KCNA6: variants seen among roughly 807,000 people sequenced by gnomAD.
The protein encoded by KCNA6 is human brain potassium channel-2.
In KCNA6, 17 loss-of-function variants were observed where a neutral mutation model predicts 29.5. The ratio of observed to expected loss-of-function variants is 0.58; its 90% CI spans 0.39 to 0.86. KCNA6 has a LOEUF of 0.86. KCNA6 is among the 40% of genes least tolerant of loss of function. The pLI is 0.00. For synonymous variants in KCNA6, 296 were observed against 304.7 expected (o/e 0.97, Z 0.30); for missense variants, 450 against 703.4 (o/e 0.64, Z 4.07).
chr12:4,810,216 C>G lies in KCNA6; in HGVS notation c.175C>G (p.Leu59Val). The G allele has an allele frequency of 6.2e-7, 1 of 1,613,852 alleles. No individual in the cohort carries two copies. The stretch of plus-strand genomic sequence containing the variant: ...GCGCTTTGAGACACAATTGCGCACC[C>G]TGTCGCTGTTTCCGGACACGCTGCT... Residue 59 changes from leucine to valine, a missense_variant, in exon 1 of 1, where the codon CTG becomes GTG. This residue lies in a region of KCNA6 where 133 missense variants were observed against 217.5 expected (regional missense o/e 0.61). Transcript: ENST00000280684. The surrounding 1 kb of genome is among the most constrained non-coding windows in gnomAD (Gnocchi z 7.5).
chr12:4,826,941 G>A, the KCNA6 span, among the ~76,000 whole-genome samples: 66,517 of 151,942 alleles, frequency 0.44, 15,021 homozygotes, highest in African/African-American at 0.55. Flanking sequence ...AGAGACAATA[G>A]TTTTTATCTA....
chr12:4,842,494 A>C, the KCNA6 span: 1 of 153,072 alleles, frequency 6.5e-6, no homozygotes, highest in Non-Finnish European at 1.5e-5. Context: ...TATGAAGAAA[A>C]GAGGTTTAAT....
chr12:4,821,705 G>T, the KCNA6 span, among the ~76,000 whole-genome samples: 5 of 152,174 alleles, frequency 3.3e-5, no homozygotes, highest in African/African-American at 1.2e-4. Context: ...TGGGCTTGTT[G>T]ATCCTGCATG....
the KCNA6 span, among the ~76,000 whole-genome samples, chr12:4,826,432 A>C: frequency 6.6e-6 from 1 of 152,168 alleles, no homozygotes; most frequent in Non-Finnish European, 1.5e-5. Context: ...TTGCCTTTGT[A>C]CCGATTCCTT....
the KCNA6 span, among the ~76,000 whole-genome samples, chr12:4,837,862 CACTT>C: frequency 1.3e-5 from 2 of 151,750 alleles, no homozygotes; most frequent in African/African-American, 4.8e-5. Flanking sequence ...AGGCTACAGT[CACTT>C]ACTGAGCATC....
At chr12:4,818,323 G>A (rs906930084), downstream of KCNA6, among the ~76,000 whole-genome samples, 1 of 152,178 alleles carries the variant, frequency 6.6e-6, no homozygotes, top group African/African-American at 2.4e-5. Context: ...TTTAACAAAG[G>A]GTTTAAGAGC....
At chr12:4,813,777 G>A (rs2137578268), downstream of KCNA6, 1 of 167,284 alleles carries the variant, frequency 6.0e-6, no homozygotes, top group Non-Finnish European at 1.5e-5. Context: ...CCATTCCAGA[G>A]GCAGAAGGGA....
the KCNA6 span, among the ~76,000 whole-genome samples, chr12:4,849,947 GAC>G: frequency 6.6e-6 from 1 of 152,222 alleles, no homozygotes. Flanking sequence ...TAGTCACAGA[GAC>G]ACACGCATTG....
the KCNA6 span, among the ~76,000 whole-genome samples, chr12:4,830,270 C>T: frequency 2.0e-5 from 3 of 152,154 alleles, no homozygotes; most frequent in African/African-American, 4.8e-5. Flanking sequence ...AGACGTGCTG[C>T]CCCCCAGCTC....
At chr12:4,818,861 CACAT>C in the KCNA6 span, among the ~76,000 whole-genome samples, 33,357 of 151,024 alleles carry the variant, frequency 0.22, 3,866 homozygotes, top group Middle Eastern at 0.35. Flanking sequence ...CACACACACA[CACAT>C]ATGCATATAC....
chr12:4,817,106 C>A (rs1457896228), downstream of KCNA6, among the ~76,000 whole-genome samples: 3 of 152,220 alleles, frequency 2.0e-5, no homozygotes, highest in Non-Finnish European at 4.4e-5. Context: ...TGGGTTTTGA[C>A]TGTGTGTTAT....
the KCNA6 span, among the ~76,000 whole-genome samples, chr12:4,843,647 A>G: frequency 5.3e-5 from 8 of 152,212 alleles, no homozygotes; most frequent in African/African-American, 1.4e-4. Context: ...TACAGGAAGC[A>G]TGGAGGCATC....
At chr12:4,840,994 G>C in the KCNA6 span, among the ~76,000 whole-genome samples, 1 of 152,228 alleles carries the variant, frequency 6.6e-6, no homozygotes, top group Admixed American at 6.5e-5. Context: ...GAACTTTAAA[G>C]AATATTTGGT....
the KCNA6 span, among the ~76,000 whole-genome samples, chr12:4,832,692 C>A: frequency 3.9e-5 from 6 of 152,304 alleles, no homozygotes; most frequent in South Asian, 4.1e-4. Context: ...TATGGAATAT[C>A]CATCTTTCTA....
the KCNA6 span, among the ~76,000 whole-genome samples, chr12:4,828,075 G>A: frequency 1.3e-5 from 2 of 152,218 alleles, no homozygotes; most frequent in Non-Finnish European, 2.9e-5. Flanking sequence ...GTTGGAACTC[G>A]GTTGTATTTC....
At chr12:4,847,298 G>A in the KCNA6 span, among the ~76,000 whole-genome samples, 2 of 151,964 alleles carry the variant, frequency 1.3e-5, no homozygotes, top group Non-Finnish European at 2.9e-5. Context: ...AGTGTTCATT[G>A]GGCACTCTGG....
chr12:4,820,850 G>A, the KCNA6 span, among the ~76,000 whole-genome samples: 3 of 152,126 alleles, frequency 2.0e-5, no homozygotes, highest in Non-Finnish European at 2.9e-5. Context: ...CAGGCTCTGG[G>A]CTTCTAATCT....
the KCNA6 span, among the ~76,000 whole-genome samples, chr12:4,844,261 A>C: frequency 6.8e-4 from 103 of 152,288 alleles, no homozygotes; most frequent in Non-Finnish European, 1.2e-3. This position sits in a 1 kb window ranked among gnomAD's most constrained non-coding sequence, Gnocchi z 4.0. Context: ...AGAATAAGCA[A>C]ATGTTTAAAT....
At chr12:4,834,361 C>T in the KCNA6 span, among the ~76,000 whole-genome samples, 1 of 152,138 alleles carries the variant, frequency 6.6e-6, no homozygotes, top group African/African-American at 2.4e-5. Flanking sequence ...AAGAAACTTA[C>T]GTCGTGTCTT....
Sources: gnomAD v4.1 joint callset for allele counts (sites outside exome capture counted in the v4.1 genomes callset) on GRCh38, gnomAD v4.1.1 for gene constraint, gnomAD v4.1.1 regional missense constraint, Gnocchi (gnomAD v3.1) non-coding constraint, MANE v1.5 for transcripts, NCBI Gene and HGNC (gene_info 2026-07-23, HGNC 2026-07-21) for gene names.